Variants in EPG5 observed in about 807,000 individuals in gnomAD.
The protein encoded by EPG5 is ectopic P-granules 5 autophagy tethering factor.
A neutral mutation model predicts 302.7 loss-of-function variants in EPG5; 159 were observed. The ratio of observed to expected loss-of-function variants is 0.53; its 90% CI spans 0.46 to 0.60. EPG5 has a LOEUF of 0.60. EPG5 is among the 20% of genes least tolerant of loss of function. EPG5 has a pLI of 0.00. For missense variants in EPG5, 2,896 were observed against 3,092.4 expected (o/e 0.94, Z 1.51); for synonymous variants, 1,158 against 1,136.8 (o/e 1.02, Z -0.37).
the EPG5 span, among the ~76,000 whole-genome samples, chr18:45,806,968 G>A: frequency 6.6e-6 from 1 of 152,100 alleles, no homozygotes; most frequent in Non-Finnish European, 1.5e-5. Flanking sequence ...GGTATCGTGC[G>A]GCAAGTTCTC....
At chr18:45,840,209 A>G in the EPG5 span, 3 of 1,613,256 alleles carry the variant, frequency 1.9e-6, no homozygotes, top group Admixed American at 5.0e-5. Context: ...TCCCTCCCAC[A>G]GAGCATCTGG....
At chr18:45,801,962 C>T in the EPG5 span, among the ~76,000 whole-genome samples, 1 of 152,110 alleles carries the variant, frequency 6.6e-6, no homozygotes, top group Non-Finnish European at 1.5e-5. Context: ...CTCTCTGGGT[C>T]CTGCCTCATC....
intron 21 of EPG5, among the ~76,000 whole-genome samples, chr18:45,913,187 G>A (rs2049949902): frequency 3.3e-5 from 5 of 151,902 alleles, no homozygotes; most frequent in East Asian, 1.9e-4. Flanking sequence ...AAGGACATTC[G>A]AGAATGCTGA....
the EPG5 span, chr18:45,825,730 T>C: frequency 5.0e-6 from 8 of 1,614,198 alleles, no homozygotes; most frequent in Non-Finnish European, 5.9e-6. Flanking sequence ...GCTCACAGCA[T>C]GGAAAAGTCC....
intron 35 of EPG5, among the ~76,000 whole-genome samples, chr18:45,874,112 C>T (rs1479835365): frequency 6.6e-6 from 1 of 152,210 alleles, no homozygotes; most frequent in African/African-American, 2.4e-5. Context: ...TGTCAAAACC[C>T]ACCGAATGTG....
Position 45,884,816 on chromosome 18 carries a change from G to A in EPG5, c.5110-5C>T, listed in dbSNP as rs1244146142. 1 of 1,509,848 alleles carries A rather than the reference G, an allele frequency of 6.6e-7. No individual in the cohort carries two copies. The highest frequency in any genetic ancestry group is 2.6e-5 in the East Asian group (1 of 38,286). 93.5% of individuals were successfully genotyped at this position (1,509,848 alleles called of 1,614,324 possible). On this transcript the variant is annotated splice_region_variant and splice_polypyrimidine_tract_variant and intron_variant, in intron 29 of 43. Transcript: ENST00000282041. ...TTTAATGCCACTGATAAATACCTTG[G>A]AAAAATAAAAAGGAAAAATGTCACC...
chr18:45,812,870 A>G, the EPG5 span, among the ~76,000 whole-genome samples: 1 of 152,234 alleles, frequency 6.6e-6, no homozygotes, highest in African/African-American at 2.4e-5. Flanking sequence ...CAAGGACTTC[A>G]TGTCTAAAAC....
At chr18:45,895,583 C>T (rs1322944070) in intron 27 of EPG5, among the ~76,000 whole-genome samples, 2 of 152,096 alleles carry the variant, frequency 1.3e-5, no homozygotes. Context: ...GGATAACTAG[C>T]AATTTAAGGG....
chr18:45,846,521 CAAAAAAAAAAAAAAAA>C (rs67294951), downstream of EPG5, among the ~76,000 whole-genome samples: 1 of 46,368 alleles, frequency 2.2e-5, no homozygotes, highest in Non-Finnish European at 3.7e-5. Flanking sequence ...AACTCCCTCT[CAAAAAAAAAAAAAAAA>C]AAAAAAAAAA....
At chr18:45,931,468 T>C (rs1479533660) in intron 11 of EPG5, among the ~76,000 whole-genome samples, 6 of 152,156 alleles carry the variant, frequency 3.9e-5, no homozygotes, top group Admixed American at 2.6e-4. Context: ...GGAAGCAATA[T>C]TCACAAATAT....
chr18:45,801,200 C>T, the EPG5 span, among the ~76,000 whole-genome samples: 10 of 152,198 alleles, frequency 6.6e-5, no homozygotes, highest in East Asian at 1.7e-3. Flanking sequence ...CCACACCTGG[C>T]TAATTTTTGT....
chr18:45,877,583 C>T (rs1274419145), intron 34 of EPG5, among the ~76,000 whole-genome samples: 1 of 152,112 alleles, frequency 6.6e-6, no homozygotes, highest in Non-Finnish European at 1.5e-5. Flanking sequence ...ATTCAGATAG[C>T]CCTCTAGCAA....
At chr18:45,937,527 C>T (rs2050565807) in intron 10 of EPG5, among the ~76,000 whole-genome samples, 1 of 152,012 alleles carries the variant, frequency 6.6e-6, no homozygotes, top group Non-Finnish European at 1.5e-5. Context: ...CTGCCTCAGC[C>T]TCCCGAGTAG....
intron 35 of EPG5, among the ~76,000 whole-genome samples, chr18:45,871,888 T>C (rs2048878937): frequency 6.6e-6 from 1 of 150,816 alleles, no homozygotes; most frequent in Admixed American, 6.8e-5. Flanking sequence ...GTGACTACCG[T>C]CCACAACAAT....
chr18:45,819,784 T>C, the EPG5 span, among the ~76,000 whole-genome samples: 1 of 152,236 alleles, frequency 6.6e-6, no homozygotes, highest in Admixed American at 6.5e-5. Flanking sequence ...TTCTGAAATA[T>C]GTTGTTTTCA....
intron 1 of EPG5, among the ~76,000 whole-genome samples, chr18:45,957,363 A>G (rs188441163): frequency 4.6e-5 from 7 of 152,236 alleles, no homozygotes; most frequent in Non-Finnish European, 1.0e-4. Context: ...CACCCAATGC[A>G]TACCTCATAC....
At chr18:45,838,700 C>T in the EPG5 span, 2 of 1,553,840 alleles carry the variant, frequency 1.3e-6, no homozygotes, top group East Asian at 2.3e-5. Context: ...TGACAGTCAC[C>T]CGCCTTCTCC....
the EPG5 span, among the ~76,000 whole-genome samples, chr18:45,814,489 T>A: frequency 6.6e-6 from 1 of 152,242 alleles, no homozygotes; most frequent in African/African-American, 2.4e-5. Flanking sequence ...GCAGATTTTG[T>A]ATATGGAATG....
chr18:45,843,729 A>C (rs1292230895), downstream of EPG5: 1 of 152,240 alleles, frequency 6.6e-6, no homozygotes. Context: ...AAATACAAAA[A>C]TTAGCTGGGC....
Sources: allele counts gnomAD v4.1 joint callset (sites outside exome capture counted in the v4.1 genomes callset), GRCh38; gene constraint gnomAD v4.1.1; transcripts MANE v1.5; gene names NCBI Gene and HGNC (gene_info 2026-07-23, HGNC 2026-07-21).